Variants in BAHCC1 observed in about 807,000 individuals in gnomAD.
BAHCC1 encodes BAH domain and coiled-coil containing 1, also known as BAH and coiled-coil domain-containing protein 1.
Under a neutral mutation model 88.2 loss-of-function variants are expected in BAHCC1, and 43 were observed. That is an observed-to-expected ratio of 0.49 (90% confidence interval 0.38 to 0.63). The LOEUF is 0.63. Ranked by LOEUF, BAHCC1 falls within the 20% of genes least tolerant of loss-of-function variation. The pLI is 0.00. For synonymous variants in BAHCC1, 1,510 were observed against 745.5 expected (o/e 2.03, Z -16.71); for missense variants, 3,023 against 1,654.8 (o/e 1.83, Z -14.34).
At chr17:81,404,939 C>T (rs781934868) in intron 2 of BAHCC1, among the ~76,000 whole-genome samples, 38 of 152,166 alleles carry the variant, frequency 2.5e-4, no homozygotes, top group Non-Finnish European at 2.8e-4. Context: ...CTCCTCTCTG[C>T]GGACTTTTTA....
intron 27 of BAHCC1, 121 bp from the exon 28 acceptor site, chr17:81,463,490 G>A: frequency 1.5e-6 from 1 of 673,704 alleles, no homozygotes; most frequent in Non-Finnish European, 2.7e-6. Flanking sequence ...CCGTCTTCCG[G>A]CCACACAGAA....
rs782177105 is a variant in BAHCC1, at chr17:81,460,619, G to A, written c.6115G>A (p.Ala2039Thr). ...TGAGGCACCCCCGCCTAGTGAAGCC[G>A]CCACCCCCAGCCTGTCCCCCAAAGC... Reference protein sequence around the residue: ...SSEAPPPSEAATPSLSPKAQD... With the variant: ...SSEAPPPSEATTPSLSPKAQD... The change falls in exon 25 of 28, where the codon GCC becomes ACC. Residue 2039 changes from alanine (A) to threonine (T), a missense_variant. Physicochemically the swap from Ala to Thr is moderately conservative, Grantham distance 58. Coordinates refer to ENST00000675386, the MANE Select transcript of BAHCC1 (RefSeq NM_001377448.1). The A allele has an allele frequency of 3.0e-5, 23 of 769,014 alleles. No individual in the cohort carries two copies. The highest frequency in any genetic ancestry group is 4.9e-5 in the East Asian group (2 of 40,588). 47.6% of individuals were successfully genotyped at this position (769,014 alleles called of 1,614,324 possible). A position where few individuals can be genotyped will look rare whatever the true frequency, so the allele number is the denominator to read the frequency against.
At chr17:81,457,185 A>G (rs1555657526) in intron 16 of BAHCC1, among the ~76,000 whole-genome samples, 3 of 152,076 alleles carry the variant, frequency 2.0e-5, no homozygotes, top group African/African-American at 7.2e-5. Context: ...CCCAGGGTAT[A>G]AGAAAAAAAC....
intron 2 of BAHCC1, among the ~76,000 whole-genome samples, chr17:81,416,080 G>A (rs1021984947): frequency 2.7e-5 from 4 of 150,804 alleles, no homozygotes; most frequent in African/African-American, 7.3e-5. Flanking sequence ...GTGTATGTGC[G>A]TGTGTGCGTG....
At chr17:81,438,679 G>A (rs2064371296) in intron 4 of BAHCC1, among the ~76,000 whole-genome samples, 187 bp downstream of exon 4, 2 of 152,078 alleles carry the variant, frequency 1.3e-5, no homozygotes, top group African/African-American at 2.4e-5. Context: ...AGGGGCCCAG[G>A]ACCACCCCCA....
At position 81,443,204 on chromosome 17, in the gene BAHCC1, C is replaced by T; in HGVS notation, c.1855C>T (p.Leu619=). The change falls in exon 5 of 28, where the codon CTG becomes TTG. Residue 619 remains leucine (L), a synonymous_variant. Transcript: ENST00000675386. ...CAGTGGCCTGCAGCAGGCGGCTCTT[C>T]TGCCCCAGGAACTGCCTGCGCCGCC... ...FGSGLQQAAL[L]PQELPAPPDE... is the part of the protein sequence containing the mutation. 1.3e-6 allele frequency: 1 copy of T among 779,350 alleles called. No homozygotes were observed. Among genetic ancestry groups the T allele is most frequent in the Non-Finnish European group, 2.4e-6 (1 of 417,852 alleles). The allele number at this position is 779,350 out of a possible 1,614,324, so 48.3% of individuals were successfully genotyped here. A position where few individuals can be genotyped will look rare whatever the true frequency, so the allele number is the denominator to read the frequency against.
At chr17:81,413,826 C>T (rs782086746) in intron 2 of BAHCC1, among the ~76,000 whole-genome samples, 20 of 152,234 alleles carry the variant, frequency 1.3e-4, no homozygotes, top group African/African-American at 3.1e-4. Context: ...CTGGATGGGG[C>T]GCAGGGCTCG....
chr17:81,438,108 G>A (rs2064360684), intron 3 of BAHCC1, among the ~76,000 whole-genome samples: 1 of 152,240 alleles, frequency 6.6e-6, no homozygotes, highest in South Asian at 2.1e-4. Flanking sequence ...CTGCTAGGAG[G>A]GAACAGAGGC....
At chr17:81,432,917 C>T (rs868934146) in intron 3 of BAHCC1, among the ~76,000 whole-genome samples, 1 of 91,704 alleles carries the variant, frequency 1.1e-5, no homozygotes, top group African/African-American at 4.8e-5. Flanking sequence ...CCCTTCCCCC[C>T]ATCCCCAGGA....
chr17:81,452,340 C>T (rs571890046), intron 13 of BAHCC1, among the ~76,000 whole-genome samples: 1 of 152,008 alleles, frequency 6.6e-6, no homozygotes, highest in South Asian at 2.1e-4. Flanking sequence ...GTGGAAGAGC[C>T]GCTTGTCAGA....
chr17:81,428,658 G>A (rs958791207), intron 3 of BAHCC1, among the ~76,000 whole-genome samples: 16 of 152,322 alleles, frequency 1.1e-4, no homozygotes, highest in South Asian at 4.1e-4. Context: ...TGGAGCCCCC[G>A]TCCCGCCCCT....
In BAHCC1 at chr17:81,442,163, G is replaced by A. The variant is rs12952981; in HGVS notation, c.814G>A (p.Ala272Thr). 0.3 allele frequency: 195,547 copies of A among 650,826 alleles called. 32,562 individuals carry two copies. Among genetic ancestry groups the A allele is most frequent in the Non-Finnish European group, 0.35 (124,978 of 360,796 alleles). 40.3% of individuals were successfully genotyped at this position (650,826 alleles called of 1,614,324 possible). Residue 272 changes from alanine (A) to threonine (T), a missense_variant, in exon 5 of 28, where the codon GCC becomes ACC. Ala to Thr is a moderately conservative substitution (Grantham distance 58). Transcript: ENST00000675386. ...CREGGPAPRG[A>T]CEGRPKHLTS... ...GGAGGGCGGCCCCGCACCCCGAGGG[G>A]CCTGCGAGGGCCGCCCCAAGCACCT...
chr17:81,452,415 AG>A (rs1451724344), intron 13 of BAHCC1, among the ~76,000 whole-genome samples: 1 of 89,068 alleles, frequency 1.1e-5, no homozygotes, highest in Non-Finnish European at 2.3e-5. Context: ...AAGGGGGAGT[AG>A]GGAGGACTGG....
intron 2 of BAHCC1, 125 bp downstream of exon 2, chr17:81,400,042 C>G: frequency 1.1e-6 from 1 of 890,952 alleles, no homozygotes; most frequent in Non-Finnish European, 1.5e-6. Flanking sequence ...GCGGTGGCTG[C>G]CTGGGCGCTG....
Position 81,442,361 on chromosome 17 carries a change from C to G in BAHCC1, c.1012C>G (p.Leu338Val), listed in dbSNP as rs1555652777. The change falls in exon 5 of 28, where the codon CTG becomes GTG. Residue 338 changes from leucine (L) to valine (V), a missense_variant. Transcript: ENST00000675386. ...GCCCGGGCCGGCCTTCAGCGAGTGC[C>G]TGGAGCGGCGGCAGATGCTACACCA... ...PEPGPAFSECLERRQMLHHTA... is the reference protein window; with the variant it reads ...PEPGPAFSECVERRQMLHHTA... 1 of 701,898 alleles carries G rather than the reference C, an allele frequency of 1.4e-6. No homozygotes were observed. The highest frequency in any genetic ancestry group is 2.0e-5 in the Admixed American group (1 of 48,918). 43.5% of individuals were successfully genotyped at this position (701,898 alleles called of 1,614,324 possible). A position where few individuals can be genotyped will look rare whatever the true frequency, so the allele number is the denominator to read the frequency against.
chr17:81,462,417 C>T (rs186165069), intron 26 of BAHCC1: 164 of 494,572 alleles, frequency 3.3e-4, no homozygotes, highest in African/African-American at 3.0e-3. Context: ...TGCTCGGGGG[C>T]GCATGTGGGG....
Position 81,463,902 on chromosome 17 carries a change from GC to G in BAHCC1, c.*89del. On this transcript the variant is annotated 3_prime_UTR_variant, in exon 28 of 28. Coordinates refer to ENST00000675386, the MANE Select transcript of BAHCC1 (RefSeq NM_001377448.1). Reference sequence around the variant, plus strand: ...CGGCCAAGCCACCGGGCAGGAGGCAGCCCCGGCCTCCCAAGGGCGCATCTGA... The same window carrying G: ...CGGCCAAGCCACCGGGCAGGAGGCAGCCCGGCCTCCCAAGGGCGCATCTGA... 1.5e-6 allele frequency: 1 copy of G among 683,560 alleles called. No homozygotes were observed. The highest frequency in any genetic ancestry group is 2.7e-6 in the Non-Finnish European group (1 of 373,348). The allele number at this position is 683,560 out of a possible 1,614,324, so 42.3% of individuals were successfully genotyped here. A position where few individuals can be genotyped will look rare whatever the true frequency, so the allele number is the denominator to read the frequency against.
intron 3 of BAHCC1, among the ~76,000 whole-genome samples, chr17:81,432,736 C>A: frequency 3.6e-5 from 1 of 28,014 alleles, no homozygotes; most frequent in African/African-American, 2.2e-4. Flanking sequence ...CCCAGACCCA[C>A]CCTCCCCCCG....
In BAHCC1 at chr17:81,445,393, G is replaced by A. The variant is rs782175936; in HGVS notation, c.2875G>A (p.Ala959Thr). Residue 959 changes from alanine to threonine, a missense_variant, in exon 10 of 28, where the codon GCC (alanine) becomes ACC (threonine). By Grantham distance (58) the Ala-to-Thr change is moderately conservative (BLOSUM62 0). Coordinates refer to ENST00000675386, the MANE Select transcript of BAHCC1 (RefSeq NM_001377448.1). ...CCAGCACCTGGATCTGGAGGAGCCC[G>A]CCCAGGAGAAGGCCCCAAAGTCCAC... ...EDQHLDLEEP[A>T]QEKAPKSTHK... The A allele has an allele frequency of 2.3e-5, 18 of 776,928 alleles. No homozygotes were observed. The highest frequency in any genetic ancestry group is 2.3e-4 in the Middle Eastern group (1 of 4,442). 48.1% of individuals were successfully genotyped at this position (776,928 alleles called of 1,614,324 possible). A position where few individuals can be genotyped will look rare whatever the true frequency, so the allele number is the denominator to read the frequency against.
Sources: allele counts gnomAD v4.1 joint callset (sites outside exome capture counted in the v4.1 genomes callset), GRCh38; gene constraint gnomAD v4.1.1; transcripts MANE v1.5; gene names NCBI Gene and HGNC (gene_info 2026-07-23, HGNC 2026-07-21).